Variants in ZFAND3 observed in about 807,000 individuals in gnomAD.
The protein encoded by ZFAND3 is zinc finger AN1-type containing 3.
ZFAND3 carries 10 observed loss-of-function variants against 29.6 expected under a neutral mutation model. The observed-to-expected ratio is 0.34, with a 90% CI of 0.21 to 0.57. The LOEUF (loss-of-function observed/expected upper bound fraction) is 0.57, where lower values mean the gene tolerates loss of function less well. Among genes scored for constraint, ZFAND3 ranks in the 20% least tolerant of loss-of-function variants. The pLI is 0.86. For missense variants in ZFAND3, 230 were observed against 304.5 expected (o/e 0.76, Z 1.82); for synonymous variants, 128 against 112.6 (o/e 1.14, Z -0.87).
intron 2 of ZFAND3, among the ~76,000 whole-genome samples, chr6:37,935,555 T>G (rs1761683214): frequency 6.6e-6 from 1 of 152,322 alleles, no homozygotes; most frequent in East Asian, 1.9e-4. Context: ...TCATGATTAG[T>G]ATTTAAAAAA....
intron 2 of ZFAND3, among the ~76,000 whole-genome samples, chr6:37,980,483 T>A (rs6458037): frequency 6.6e-6 from 1 of 152,126 alleles, no homozygotes; most frequent in African/African-American, 2.4e-5. Flanking sequence ...TTCTGAATTG[T>A]ATCACTTGAT....
chr6:37,992,036 T>C (rs1762767554), intron 2 of ZFAND3, among the ~76,000 whole-genome samples: 2 of 152,220 alleles, frequency 1.3e-5, no homozygotes, highest in Non-Finnish European at 2.9e-5. Flanking sequence ...TGATTTGCAT[T>C]TTTTTGAAAA....
Position 37,914,672 on chromosome 6 carries a change from C to CTTTTTT in ZFAND3, c.72-15282_72-15277dup, listed in dbSNP as rs71542148. Among the ~76,000 whole-genome samples, 12 of 114,228 alleles carry CTTTTTT rather than the reference C, an allele frequency of 1.1e-4. 1 individual carries two copies. The highest frequency in any genetic ancestry group is 5.5e-4 in the South Asian group (2 of 3,608). 74.9% of individuals were successfully genotyped at this position (114,228 alleles called of 152,430 possible). A position where few individuals can be genotyped will look rare whatever the true frequency, so the allele number is the denominator to read the frequency against. ...TTTCTTTCTTTCTTTCTTTTTTTTT[C>CTTTTTT]TTTTTTTTTTAGTGGAGACGGGGTT... On this transcript the variant is annotated intron_variant, in intron 1 of 5. Coordinates refer to ENST00000287218, the MANE Select transcript of ZFAND3 (RefSeq NM_021943.3).
At chr6:38,126,638 C>G (rs1166301100) in intron 5 of ZFAND3, among the ~76,000 whole-genome samples, 1 of 152,040 alleles carries the variant, frequency 6.6e-6, no homozygotes, top group African/African-American at 2.4e-5. Context: ...TTGTATTTCC[C>G]TAATGACCAA....
At chr6:38,084,410 A>C (rs1337596339) in intron 4 of ZFAND3, among the ~76,000 whole-genome samples, 1 of 152,182 alleles carries the variant, frequency 6.6e-6, no homozygotes, top group Non-Finnish European at 1.5e-5. Context: ...GGTTTGGTGT[A>C]AGAAAAAAAT....
At chr6:38,017,631 T>C (rs1448827761) in intron 2 of ZFAND3, among the ~76,000 whole-genome samples, 1 of 152,120 alleles carries the variant, frequency 6.6e-6, no homozygotes, top group African/African-American at 2.4e-5. Flanking sequence ...TATTTGATAC[T>C]TGAAAAGTTG....
intron 5 of ZFAND3, among the ~76,000 whole-genome samples, chr6:38,150,171 G>A (rs566974634): frequency 1.3e-5 from 2 of 152,290 alleles, no homozygotes; most frequent in South Asian, 2.1e-4. Flanking sequence ...CAATATCTTC[G>A]AGTAATGAAC....
intron 2 of ZFAND3, among the ~76,000 whole-genome samples, chr6:37,991,748 T>C (rs1051895414): frequency 1.5e-4 from 23 of 152,210 alleles, no homozygotes; most frequent in Non-Finnish European, 2.1e-4. Context: ...AATATCCGAG[T>C]ACCCACTGTG....
rs1316717903 is a variant in ZFAND3, at chr6:38,150,261, CAG to C, written c.530-1972_530-1971del. 7.2e-5 allele frequency among the ~76,000 whole-genome samples: 11 copies of C among 152,304 alleles called. No homozygotes were observed. The East Asian group carries it at 2.1e-3, about 29-fold the overall frequency. On this transcript the variant is annotated intron_variant, in intron 5 of 5. Coordinates refer to ENST00000287218, the MANE Select transcript of ZFAND3 (RefSeq NM_021943.3). ...AGTGGGAGCTCGGCTTCTCGGGAGA[CAG>C]AAATTGCATCTCTGTTCTTTTCCTT...
At chr6:37,834,410 T>A (rs1253911215) in intron 1 of ZFAND3, among the ~76,000 whole-genome samples, 1 of 152,162 alleles carries the variant, frequency 6.6e-6, no homozygotes, top group Non-Finnish European at 1.5e-5. Flanking sequence ...CTGGAAGACA[T>A]CTTGATTGCT....
chr6:38,001,895 T>C (rs1762954782), intron 2 of ZFAND3, among the ~76,000 whole-genome samples: 1 of 152,234 alleles, frequency 6.6e-6, no homozygotes, highest in Non-Finnish European at 1.5e-5. Flanking sequence ...TGTTATCTTT[T>C]CTTTTTGTCT....
intron 5 of ZFAND3, among the ~76,000 whole-genome samples, chr6:38,137,460 T>C (rs1458897452): frequency 6.6e-6 from 1 of 152,264 alleles, no homozygotes; most frequent in Non-Finnish European, 1.5e-5. Flanking sequence ...GTTTCTATTT[T>C]TAATGAGTCA....
At position 38,098,148 on chromosome 6, in the gene ZFAND3, A is replaced by G. The variant is rs555179632; in HGVS notation, c.361+15691A>G. On this transcript the variant is annotated intron_variant, in intron 4 of 5. Transcript: ENST00000287218. Reference sequence around the variant, plus strand: ...ACCATCACAGCTCACTATAACTTTGACCTGTTGGGCTTGAGTGATTCTCCC... The same window carrying G: ...ACCATCACAGCTCACTATAACTTTGGCCTGTTGGGCTTGAGTGATTCTCCC... Among the ~76,000 whole-genome samples the G allele has an allele frequency of 2.0e-5, 3 of 151,864 alleles. No homozygotes were observed. The South Asian group carries it at 6.2e-4, about 32-fold the overall frequency.
At chr6:37,956,757 T>G (rs1021201190) in intron 2 of ZFAND3, among the ~76,000 whole-genome samples, 1 of 152,192 alleles carries the variant, frequency 6.6e-6, no homozygotes, top group Non-Finnish European at 1.5e-5. Context: ...ATGAATTTTA[T>G]TGAGGCACTT....
intron 2 of ZFAND3, among the ~76,000 whole-genome samples, chr6:37,969,613 A>C (rs1028639027): frequency 3.9e-5 from 6 of 152,348 alleles, no homozygotes; most frequent in African/African-American, 1.2e-4. Context: ...TACCATGGTA[A>C]AGTTGAAAAA....
chr6:37,953,027 A>G (rs1762025263), intron 2 of ZFAND3, among the ~76,000 whole-genome samples: 1 of 151,672 alleles, frequency 6.6e-6, no homozygotes, highest in Non-Finnish European at 1.5e-5. Flanking sequence ...TATATTTAAA[A>G]TGCTTTTCTT....
chr6:38,095,615 A>G (rs978908217), intron 4 of ZFAND3, among the ~76,000 whole-genome samples: 1 of 151,806 alleles, frequency 6.6e-6, no homozygotes, highest in Non-Finnish European at 1.5e-5. Context: ...TTATTCTCTC[A>G]TTTTTCCAAA....
Position 38,027,090 on chromosome 6 carries a change from A to G in ZFAND3, c.113-34503A>G, listed in dbSNP as rs139065533. Among the ~76,000 whole-genome samples, 93 of 152,342 alleles carry G rather than the reference A, an allele frequency of 6.1e-4. 1 individual carries two copies. The East Asian group carries it at 0.012, about 19-fold the overall frequency. ...CAAGAGCCTACAGGGCTCTAAGGAC[A>G]CAGGTTCTAGTGATGGATAGTGAAC... is the stretch of plus-strand genomic sequence containing the variant. On this transcript the variant is annotated intron_variant, in intron 2 of 5. Transcript: ENST00000287218.
At chr6:38,121,465 T>C (rs1765532634) in intron 5 of ZFAND3, among the ~76,000 whole-genome samples, 2 of 152,314 alleles carry the variant, frequency 1.3e-5, no homozygotes, top group South Asian at 2.1e-4. Flanking sequence ...AAAAACAGAT[T>C]GTTGGGACCC....
Sources: gnomAD v4.1 joint callset for allele counts (sites outside exome capture counted in the v4.1 genomes callset) on GRCh38, gnomAD v4.1.1 for gene constraint, MANE v1.5 for transcripts, NCBI Gene and HGNC (gene_info 2026-07-23, HGNC 2026-07-21) for gene names.